The following MAP7 variants were observed in gnomAD, a reference collection of about 807,000 sequenced individuals.
MAP7 encodes the protein ensconsin.
MAP7 carries 52 observed loss-of-function variants against 94.8 expected under a neutral mutation model. The observed-to-expected ratio is 0.55, with a 90% CI of 0.44 to 0.69. The LOEUF is 0.69. MAP7 is among the 30% of genes least tolerant of loss of function. The pLI is 0.00. For missense variants in MAP7, 940 were observed against 964.6 expected (o/e 0.97, Z 0.34); for synonymous variants, 350 against 357.0 (o/e 0.98, Z 0.22).
chr6:136,439,113 G>T (rs1277651894), intron 1 of MAP7, among the ~76,000 whole-genome samples: 1 of 152,158 alleles, frequency 6.6e-6, no homozygotes, highest in East Asian at 1.9e-4. Context: ...CGCCAAAATG[G>T]TTTGAATGTA....
At chr6:136,513,987 C>A (rs1009466771) in intron 1 of MAP7, among the ~76,000 whole-genome samples, 6 of 152,296 alleles carry the variant, frequency 3.9e-5, no homozygotes, top group African/African-American at 1.4e-4. Context: ...ATGTCTCATT[C>A]GCTGGCTCTA....
intron 1 of MAP7, chr6:136,526,011 A>T (rs1583145849): frequency 6.7e-7 from 1 of 1,483,374 alleles, no homozygotes; most frequent in East Asian, 2.5e-5. Context: ...TTATATTAAA[A>T]ATATATGCTT....
At chr6:136,518,222 T>A (rs181176523) in intron 1 of MAP7, among the ~76,000 whole-genome samples, 27 of 152,330 alleles carry the variant, frequency 1.8e-4, no homozygotes, top group Admixed American at 1.6e-3. Flanking sequence ...CCCCAAACCA[T>A]ATATATTCAA....
chr6:136,416,127 G>A lies in MAP7; in HGVS notation c.167-4430C>T, dbSNP rs149191043. The stretch of plus-strand genomic sequence containing the variant: ...CAGAGACTTGTCTGTTTTCTTCCCT[G>A]CTGCATTCTCAATTCCTCGGGCTGT... On this transcript the variant is annotated intron_variant, in intron 2 of 17. Transcript: ENST00000354570. Among the ~76,000 whole-genome samples the A allele has an allele frequency of 4.8e-3, 732 of 152,300 alleles. 2 individuals carry two copies. The highest frequency in any genetic ancestry group is 0.024 in the Middle Eastern group (7 of 294).
chr6:136,420,325 C>T (rs963421423), intron 2 of MAP7: 14 of 716,082 alleles, frequency 2.0e-5, no homozygotes, highest in Non-Finnish European at 3.3e-5. Context: ...CCAACACCAC[C>T]CGCTTGCCCT....
Position 136,346,075 on chromosome 6 carries a change from G to C in MAP7, c.2020C>G (p.Pro674Ala). 6.3e-7 allele frequency: 1 copy of C among 1,590,698 alleles called. No individual in the cohort carries two copies. Among genetic ancestry groups the C allele is most frequent in the Non-Finnish European group, 8.6e-7 (1 of 1,162,764 alleles). ...HQSKVTVEST[P>A]DLEKQPNENG... is the part of the protein sequence containing the mutation. ...TCATTTGGTTGTTTTTCCAAATCGGGAGTGCTAAGGAATTTGAAAAATAAA... is the reference window on the plus strand; with the variant it reads ...TCATTTGGTTGTTTTTCCAAATCGGCAGTGCTAAGGAATTTGAAAAATAAA... The change falls in exon 17 of 18, where the codon CCC (proline) becomes GCC (alanine). Residue 674 changes from proline to alanine, a missense_variant. Physicochemically the swap from Pro to Ala is conservative, Grantham distance 27. Transcript: ENST00000354570.
chr6:136,354,353 T>TATATATATAGTAGATATATATAAAA (rs1337109168), intron 16 of MAP7, among the ~76,000 whole-genome samples: 4 of 143,988 alleles, frequency 2.8e-5, no homozygotes, highest in Non-Finnish European at 6.1e-5. Flanking sequence ...TTAAAGGAAA[T>TATATATATAGTAGATATATATAAAA]ATATATATAG....
At chr6:136,525,825 T>C in intron 1 of MAP7, 1 of 1,534,320 alleles carries the variant, frequency 6.5e-7, no homozygotes, top group Non-Finnish European at 8.7e-7. Context: ...GTGGAGCTAA[T>C]GCATACCTTT....
intron 1 of MAP7, among the ~76,000 whole-genome samples, chr6:136,484,902 C>T (rs1277195527): frequency 1.3e-5 from 2 of 152,060 alleles, no homozygotes; most frequent in African/African-American, 2.4e-5. Context: ...ACTATGTTTC[C>T]CAACCTGGTC....
chr6:136,390,163 A>G (rs541682694), intron 3 of MAP7, among the ~76,000 whole-genome samples: 1 of 152,314 alleles, frequency 6.6e-6, no homozygotes, highest in Non-Finnish European at 1.5e-5. Flanking sequence ...TCTTTATATA[A>G]TACAGGTTCT....
Position 136,366,413 on chromosome 6 carries a change from TTCTC to T in MAP7, c.899_902del (p.Arg300LysfsTer98), listed in dbSNP as rs774833507. The T allele has an allele frequency of 3.7e-6, 6 of 1,613,754 alleles. No individual in the cohort carries two copies. The highest frequency in any genetic ancestry group is 1.3e-5 in the African/African-American group (1 of 75,038). On this transcript the variant is annotated frameshift_variant, in exon 9 of 18. Transcript: ENST00000354570. LOFTEE classifies it high-confidence loss of function. ...TGCCAGATGTGAGGAAGAGTACATT[TTCTC>T]TCTCTCTTTCTTTTTTATAGCTCTA...
chr6:136,357,384 G>C (rs971150405), intron 15 of MAP7, among the ~76,000 whole-genome samples: 1 of 152,168 alleles, frequency 6.6e-6, no homozygotes, highest in Admixed American at 6.5e-5. Context: ...TACAGGACAG[G>C]GTTACTTATA....
At chr6:136,453,970 T>C (rs1168002722) in intron 1 of MAP7, among the ~76,000 whole-genome samples, 1 of 152,162 alleles carries the variant, frequency 6.6e-6, no homozygotes, top group East Asian at 1.9e-4. Context: ...CTTTTTTTCC[T>C]TTTTTTGCTA....
intron 16 of MAP7, among the ~76,000 whole-genome samples, chr6:136,348,017 C>CA (rs368965757): frequency 4.5e-4 from 65 of 144,956 alleles, no homozygotes; most frequent in African/African-American, 1.5e-3. Context: ...ACATGCCCCC[C>CA]CCCCCAAGTC....
chr6:136,469,487 T>G (rs957452272), intron 1 of MAP7, among the ~76,000 whole-genome samples: 5 of 152,050 alleles, frequency 3.3e-5, no homozygotes, highest in Admixed American at 6.6e-5. Context: ...ACTCAAGTGA[T>G]CCTCCCATCT....
At chr6:136,422,847 T>A (rs1199718588) in intron 1 of MAP7, among the ~76,000 whole-genome samples, 1 of 152,224 alleles carries the variant, frequency 6.6e-6, no homozygotes, top group Non-Finnish European at 1.5e-5. Flanking sequence ...CATATCAGTC[T>A]TTTTCTTCTT....
chr6:136,519,333 A>G (rs1375712706), intron 1 of MAP7, among the ~76,000 whole-genome samples: 1 of 152,214 alleles, frequency 6.6e-6, no homozygotes, highest in Non-Finnish European at 1.5e-5. Flanking sequence ...CCTAGCTGTT[A>G]AATTTTACGG....
intron 1 of MAP7, among the ~76,000 whole-genome samples, chr6:136,487,227 T>C (rs1191507330): frequency 2.0e-5 from 3 of 152,208 alleles, no homozygotes; most frequent in African/African-American, 7.2e-5. Context: ...GTTTCAAAAA[T>C]GCTTCTGCTG....
intron 1 of MAP7, among the ~76,000 whole-genome samples, chr6:136,547,538 C>T (rs927410800): frequency 6.6e-6 from 1 of 152,106 alleles, no homozygotes; most frequent in African/African-American, 2.4e-5. Context: ...GACTTGACAT[C>T]CTCTAGTGGT....
Sources: gnomAD v4.1 joint callset for allele counts (sites outside exome capture counted in the v4.1 genomes callset) on GRCh38, gnomAD v4.1.1 for gene constraint, MANE v1.5 for transcripts, NCBI Gene and HGNC (gene_info 2026-07-23, HGNC 2026-07-21) for gene names.